Variants in DHRSX observed in about 807,000 individuals in gnomAD.
DHRSX encodes the protein polyprenol dehydrogenase.
In DHRSX, 31 loss-of-function variants were observed where a neutral mutation model predicts 34.0. That is an observed-to-expected ratio of 0.91 (90% CI 0.69 to 1.23). The LOEUF (loss-of-function observed/expected upper bound fraction) is 1.23, where lower values mean the gene tolerates loss of function less well. Among genes scored for constraint, DHRSX ranks in the 50% most tolerant of loss-of-function variants. The pLI is 0.00. For synonymous variants in DHRSX, 201 were observed against 183.8 expected, an observed-to-expected ratio of 1.09 and a Z score of -0.76; for missense variants, 414 against 428.1, an observed-to-expected ratio of 0.97 and a Z score of 0.29.
chrX:2,349,982 T>G (rs1356555856), intron 3 of DHRSX, among the ~76,000 whole-genome samples: 1 of 151,340 alleles, frequency 6.6e-6, no homozygotes, highest in South Asian at 2.1e-4. Flanking sequence ...GAGCTTGCAG[T>G]AAGCCGAGAT....
At chrX:2,295,724 C>T (rs942096294) in intron 3 of DHRSX, among the ~76,000 whole-genome samples, 5 of 152,222 alleles carry the variant, frequency 3.3e-5, no homozygotes, top group South Asian at 2.1e-4. Flanking sequence ...GCATGTGTAA[C>T]TAATACACAA....
intron 1 of DHRSX, among the ~76,000 whole-genome samples, chrX:2,481,874 C>T (rs1167554530): frequency 1.3e-5 from 2 of 152,130 alleles, no homozygotes; most frequent in Admixed American, 6.5e-5. Context: ...TGCACTGAGC[C>T]GGCTCCCCAT....
chrX:2,351,144 C>T (rs918598496), intron 3 of DHRSX, among the ~76,000 whole-genome samples: 4 of 152,096 alleles, frequency 2.6e-5, no homozygotes, highest in Admixed American at 1.3e-4. Context: ...GGGCTTAAAA[C>T]GTAGAAGATT....
In DHRSX at chrX:2,297,392, G is replaced by T. The variant is rs1261909335; in HGVS notation, c.287-5789C>A. On this transcript the variant is annotated intron_variant, in intron 3 of 6. Transcript: ENST00000334651. ...CCCGCCTTGGCCTCTCAAAGTGCTG[G>T]GATTACCGTCGTGAGCCACCTTGCC... Among the ~76,000 whole-genome samples the T allele has an allele frequency of 2.0e-5, 3 of 152,144 alleles. No individual in the cohort carries two copies. In the East Asian group the frequency reaches 5.8e-4, roughly 29 times the overall value.
chrX:2,224,583 A>G (rs754576856), intron 6 of DHRSX, among the ~76,000 whole-genome samples: 1 of 152,260 alleles, frequency 6.6e-6, no homozygotes, highest in Non-Finnish European at 1.5e-5. Flanking sequence ...GTTCTATTGG[A>G]TGATTTTTTT....
chrX:2,466,164 CG>C (rs2044492529), intron 1 of DHRSX, among the ~76,000 whole-genome samples: 1 of 152,154 alleles, frequency 6.6e-6, no homozygotes, highest in Non-Finnish European at 1.5e-5. Flanking sequence ...ATTGGTTGGG[CG>C]TGGCGGCGCA....
chrX:2,445,135 C>A (rs1313274112), intron 1 of DHRSX, among the ~76,000 whole-genome samples: 2 of 152,058 alleles, frequency 1.3e-5, no homozygotes, highest in African/African-American at 4.8e-5. Flanking sequence ...CCAGCCTGGG[C>A]AACAAGAGTG....
chrX:2,500,468 C>A (rs1186522435), intron 1 of DHRSX: 1 of 158,734 alleles, frequency 6.3e-6, no homozygotes, highest in South Asian at 1.5e-4. Context: ...GGCCATGGCC[C>A]GGAGGTGTCA....
At chrX:2,478,100 T>G (rs2044709303) in intron 1 of DHRSX, among the ~76,000 whole-genome samples, 1 of 152,162 alleles carries the variant, frequency 6.6e-6, no homozygotes, top group Non-Finnish European at 1.5e-5. Context: ...AGAAAGCAAA[T>G]GAAGCCTTGG....
chrX:2,465,011 G>A lies in DHRSX; in HGVS notation c.109+35806C>T, dbSNP rs182266763. Reference sequence around the variant, plus strand: ...CCCCCGCCATGTACACACTGAAGACGTTCCCTAAGAATGCAGTCACAGGAT... The same window carrying A: ...CCCCCGCCATGTACACACTGAAGACATTCCCTAAGAATGCAGTCACAGGAT... On this transcript the variant is annotated intron_variant, in intron 1 of 6. Transcript: ENST00000334651. Among the ~76,000 whole-genome samples, 71 of 151,634 alleles carry A rather than the reference G, an allele frequency of 4.7e-4. No homozygotes were observed. In the East Asian group the frequency reaches 9.5e-3, roughly 20 times the overall value.
At chrX:2,421,422 C>G (rs2043778085) in intron 2 of DHRSX, among the ~76,000 whole-genome samples, 1 of 152,100 alleles carries the variant, frequency 6.6e-6, no homozygotes, top group Admixed American at 6.6e-5. Flanking sequence ...AGAAAAATTT[C>G]AAGTTTTGCA....
intron 4 of DHRSX, among the ~76,000 whole-genome samples, chrX:2,274,850 G>A (rs2041603994): frequency 6.6e-6 from 1 of 152,138 alleles, no homozygotes; most frequent in Non-Finnish European, 1.5e-5. Context: ...TTGTTTTGTT[G>A]TTGAGTTCTT....
intron 1 of DHRSX, among the ~76,000 whole-genome samples, chrX:2,481,644 C>T (rs2044773254): frequency 6.6e-6 from 1 of 151,594 alleles, no homozygotes; most frequent in South Asian, 2.1e-4. Context: ...CCAGCCTGGG[C>T]AACAAGAGTG....
At chrX:2,357,044 G>T in intron 3 of DHRSX, among the ~76,000 whole-genome samples, 1 of 152,208 alleles carries the variant, frequency 6.6e-6, no homozygotes, top group East Asian at 1.9e-4. Context: ...ACAAGTTCAA[G>T]ACCAGCCTGA....
At position 2,420,626 on chromosome X, in the gene DHRSX, C is replaced by T. The variant is rs1203878669; in HGVS notation, c.217+4571G>A. On this transcript the variant is annotated intron_variant, in intron 2 of 6. Coordinates refer to ENST00000334651, the MANE Select transcript of DHRSX (RefSeq NM_145177.3). ...GGTGTGGTGGTGTGCTCCTGTAGTC[C>T]CAGCTACTCAGGAGGCTGAGGCAGC... 2.0e-5 allele frequency among the ~76,000 whole-genome samples: 3 copies of T among 150,414 alleles called. No individual in the cohort carries two copies. The East Asian group carries it at 5.9e-4, about 29-fold the overall frequency.
Position 2,266,754 on chromosome X carries a change from A to G in DHRSX, c.582T>C (p.Asp194=), listed in dbSNP as rs1164727999. The G allele has an allele frequency of 6.2e-7, 1 of 1,613,958 alleles. No homozygotes were observed. The highest frequency in any genetic ancestry group is 8.5e-7 in the Non-Finnish European group (1 of 1,179,852). ...ATHYVAELNM[D]DLQSSACYSP... ...GGTGCACCTACCTGCTCTGAAGGTCATCCATGTTCAGCTCAGCGACGTAAT... is the reference window on the plus strand; with the variant it reads ...GGTGCACCTACCTGCTCTGAAGGTCGTCCATGTTCAGCTCAGCGACGTAAT... The change falls in exon 5 of 7, where the codon GAT becomes GAC. Residue 194 remains aspartate, a synonymous_variant. Coordinates refer to ENST00000334651, the MANE Select transcript of DHRSX (RefSeq NM_145177.3).
rs747200449 is a variant in DHRSX, at chrX:2,468,497, T to C, written c.109+32320A>G. On this transcript the variant is annotated intron_variant, in intron 1 of 6. Transcript: ENST00000334651. ...ATGAAAAGTACACAGACACGGACAC[T>C]CAGAAGAATGTGGCCAAGGGACCGC... 1.3e-3 allele frequency among the ~76,000 whole-genome samples: 204 copies of C among 152,226 alleles called. 1 individual carries two copies. Among genetic ancestry groups the C allele is most frequent in the African/African-American group, 4.8e-3 (200 of 41,516 alleles).
At chrX:2,345,274 A>ACACACACC (rs2042690268) in intron 3 of DHRSX, among the ~76,000 whole-genome samples, 1 of 152,046 alleles carries the variant, frequency 6.6e-6, no homozygotes, top group Non-Finnish European at 1.5e-5. Flanking sequence ...AAATGAGATA[A>ACACACACC]ATATCGAAAT....
chrX:2,290,190 A>G (rs1016581965), intron 4 of DHRSX, among the ~76,000 whole-genome samples: 11 of 152,198 alleles, frequency 7.2e-5, no homozygotes, highest in African/African-American at 1.9e-4. Flanking sequence ...ATAATTTCCA[A>G]TTAAACAAGT....
Sources: gnomAD v4.1 joint callset for allele counts (sites outside exome capture counted in the v4.1 genomes callset) on GRCh38, gnomAD v4.1.1 for gene constraint, MANE v1.5 for transcripts, NCBI Gene and HGNC (gene_info 2026-07-23, HGNC 2026-07-21) for gene names.